Variants in DCTD observed in about 807,000 individuals in gnomAD.
The protein encoded by DCTD is deoxycytidylate deaminase.
Under a neutral mutation model 21.0 loss-of-function variants are expected in DCTD, and 23 were observed. The observed-to-expected ratio is 1.09, with a 90% confidence interval of 0.79 to 1.55. The LOEUF is 1.55. DCTD is among the 40% of genes most tolerant of loss of function. DCTD has a pLI of 0.00. For missense variants in DCTD, 224 were observed against 230.0 expected, an observed-to-expected ratio of 0.97 and a Z score of 0.17; for synonymous variants, 71 against 81.1, an observed-to-expected ratio of 0.88 and a Z score of 0.67.
At chr4:182,915,738 G>T in intron 1 of DCTD, 163 bp from the exon 2 acceptor site, 1 of 718,522 alleles carries the variant, frequency 1.4e-6, no homozygotes, top group Non-Finnish European at 2.2e-6. Context: ...AACAGTCTCT[G>T]GTCTTAAGTA....
intron 5 of DCTD, among the ~76,000 whole-genome samples, chr4:182,891,956 A>AC (rs1491244848): frequency 3.0e-4 from 35 of 118,366 alleles, no homozygotes; most frequent in Non-Finnish European, 6.1e-4. Flanking sequence ...ACATAAACCA[A>AC]CTTTTTTTTT....
intron 3 of DCTD, among the ~76,000 whole-genome samples, chr4:182,896,210 A>T (rs1734704559): frequency 6.6e-6 from 1 of 152,076 alleles, no homozygotes. Context: ...CTGAGCACGT[A>T]CTCTGGGTCA....
chr4:182,895,780 C>A lies in DCTD; in HGVS notation c.245-1175G>T, dbSNP rs142829024. On this transcript the variant is annotated intron_variant, in intron 3 of 5. Coordinates refer to ENST00000438320, the MANE Select transcript of DCTD (RefSeq NM_001921.3). ...TGCAAACCTCTCTGATATCAGAACA[C>A]CCTTAGGCGCTTCCAAAATACAGAG... 2.6e-3 allele frequency among the ~76,000 whole-genome samples: 402 copies of A among 152,304 alleles called. 2 individuals carry two copies. Among genetic ancestry groups the A allele is most frequent in the African/African-American group, 9.4e-3 (391 of 41,546 alleles).
chr4:182,902,667 A>G (rs924125876), intron 3 of DCTD, among the ~76,000 whole-genome samples: 3 of 152,208 alleles, frequency 2.0e-5, no homozygotes, highest in Admixed American at 2.0e-4. Context: ...GCAGTTTCCC[A>G]GGTATGTTCT....
chr4:182,915,374 G>A, intron 2 of DCTD, 87 bp downstream of exon 2: 1 of 919,110 alleles, frequency 1.1e-6, no homozygotes. Context: ...AAGTTGACAG[G>A]CGTCCACTGA....
At chr4:182,905,146 C>T (rs1461935808) in intron 3 of DCTD, among the ~76,000 whole-genome samples, 1 of 152,132 alleles carries the variant, frequency 6.6e-6, no homozygotes, top group Non-Finnish European at 1.5e-5. Context: ...CATTGTCTCA[C>T]CCTCTGTTCT....
chr4:182,891,266 C>G lies in DCTD; in HGVS notation c.*133G>C. The G allele has an allele frequency of 1.5e-6, 1 of 685,680 alleles. No individual in the cohort carries two copies. Among genetic ancestry groups the G allele is most frequent in the African/African-American group, 1.8e-5 (1 of 56,276 alleles). 42.5% of individuals were successfully genotyped at this position (685,680 alleles called of 1,614,324 possible). A position where few individuals can be genotyped will look rare whatever the true frequency, so the allele number is the denominator to read the frequency against. On this transcript the variant is annotated 3_prime_UTR_variant, in exon 6 of 6. Coordinates refer to ENST00000438320, the MANE Select transcript of DCTD (RefSeq NM_001921.3). The stretch of plus-strand genomic sequence containing the variant: ...GAGAGACAGTAAGGAAGATTTGAGG[C>G]TTTATATTCTTTAGATGCCTACTTT...
chr4:182,904,748 C>T (rs1300426602), intron 3 of DCTD, among the ~76,000 whole-genome samples: 1 of 144,612 alleles, frequency 6.9e-6, no homozygotes, highest in Non-Finnish European at 1.6e-5. Flanking sequence ...CTCTCTCAAC[C>T]GATGACCCTG....
intron 3 of DCTD, among the ~76,000 whole-genome samples, chr4:182,910,082 C>T (rs1217014247): frequency 6.6e-6 from 1 of 152,134 alleles, no homozygotes; most frequent in African/African-American, 2.4e-5. Flanking sequence ...TGAGGCCTCC[C>T]CCGACTCTTG....
intron 3 of DCTD, among the ~76,000 whole-genome samples, chr4:182,901,625 G>A (rs966356284): frequency 3.9e-5 from 6 of 152,134 alleles, no homozygotes; most frequent in Non-Finnish European, 8.8e-5. Flanking sequence ...GACAAGACAA[G>A]GGTCAGGACT....
chr4:182,913,927 GA>G (rs1284983125), intron 3 of DCTD, among the ~76,000 whole-genome samples: 2 of 152,124 alleles, frequency 1.3e-5, no homozygotes, highest in Non-Finnish European at 2.9e-5. Flanking sequence ...GGAAAATCCA[GA>G]GACAGTCAAG....
At chr4:182,892,215 C>G (rs942543089) in intron 5 of DCTD, among the ~76,000 whole-genome samples, 13 of 152,270 alleles carry the variant, frequency 8.5e-5, no homozygotes, top group South Asian at 4.2e-4. Context: ...TGCTGAACGC[C>G]AATACCATGA....
At chr4:182,902,178 C>T (rs1165664305) in intron 3 of DCTD, among the ~76,000 whole-genome samples, 3 of 152,198 alleles carry the variant, frequency 2.0e-5, no homozygotes, top group Middle Eastern at 3.2e-3. Context: ...AATTTAACAA[C>T]GGAATAGCCG....
rs771818941 is a variant in DCTD, at chr4:182,914,991, C to A, written c.176G>T (p.Gly59Val). 9 of 1,614,022 alleles carry A rather than the reference C, an allele frequency of 5.6e-6. No individual in the cohort carries two copies. The South Asian group carries it at 9.9e-5, about 18-fold the overall frequency. ...VGIGYNGMPN[G>V]CSDDVLPWRR... ...CCAAGGCAACACGTCATCACTGCACCCATTTGGCATCCCATTGTACCCAAT... is the reference window on the plus strand; with the variant it reads ...CCAAGGCAACACGTCATCACTGCACACATTTGGCATCCCATTGTACCCAAT... Residue 59 changes from glycine to valine, a missense_variant, in exon 3 of 6, where the codon GGG (glycine) becomes GTG (valine). Transcript: ENST00000438320.
At chr4:182,893,279 T>C in intron 4 of DCTD, 152 bp from the exon 5 acceptor site, 1 of 695,034 alleles carries the variant, frequency 1.4e-6, no homozygotes, top group Non-Finnish European at 2.7e-6. Flanking sequence ...AATACATATC[T>C]GCTGCTTTCT....
chr4:182,891,632 C>T (rs990384860), intron 5 of DCTD, among the ~76,000 whole-genome samples, 155 bp from the exon 6 acceptor site: 3 of 152,026 alleles, frequency 2.0e-5, no homozygotes, highest in Non-Finnish European at 4.4e-5. Context: ...TGCACCATAC[C>T]AAGAGAAACA....
chr4:182,908,777 T>C (rs1056264713), intron 3 of DCTD, among the ~76,000 whole-genome samples: 1 of 152,046 alleles, frequency 6.6e-6, no homozygotes, highest in Non-Finnish European at 1.5e-5. Flanking sequence ...GCTCAAATAC[T>C]TAACATAGCT....
At chr4:182,892,427 G>A (rs532579791) in intron 5 of DCTD, among the ~76,000 whole-genome samples, 1 of 152,208 alleles carries the variant, frequency 6.6e-6, no homozygotes, top group African/African-American at 2.4e-5. Flanking sequence ...CAGCACTTTG[G>A]GAGGCTGAGG....
chr4:182,897,285 CTT>C (rs1486068489), intron 3 of DCTD, among the ~76,000 whole-genome samples: 1 of 151,062 alleles, frequency 6.6e-6, no homozygotes, highest in Non-Finnish European at 1.5e-5. Context: ...TGTAAAGCTT[CTT>C]GTTAAAAAAT....
Sources: allele counts gnomAD v4.1 joint callset (sites outside exome capture counted in the v4.1 genomes callset), GRCh38; gene constraint gnomAD v4.1.1; transcripts MANE v1.5; gene names NCBI Gene and HGNC (gene_info 2026-07-23, HGNC 2026-07-21).